LONP1: variants seen among roughly 807,000 people sequenced by gnomAD.
LONP1 encodes the protein lon peptidase 1, mitochondrial, also known as lon protease homolog, mitochondrial.
Under a neutral mutation model 98.5 loss-of-function variants are expected in LONP1, and 31 were observed. The observed-to-expected ratio is 0.31, with a 90% CI of 0.24 to 0.42. LONP1 has a LOEUF of 0.42. Among genes scored for constraint, LONP1 ranks in the 20% least tolerant of loss-of-function variants. The pLI, the probability that LONP1 is intolerant of heterozygous loss-of-function variation, is 1.00. For missense variants in LONP1, 1,336 were observed against 1,350.6 expected, an observed-to-expected ratio of 0.99 and a Z score of 0.17; for synonymous variants, 781 against 594.7, an observed-to-expected ratio of 1.31 and a Z score of -4.56.
In LONP1 at chr19:5,717,114, G is replaced by T. The variant is rs528080977; in HGVS notation, c.429+2590C>A. 1.4e-3 allele frequency among the ~76,000 whole-genome samples: 209 copies of T among 152,266 alleles called. 1 individual carries two copies. The highest frequency in any genetic ancestry group is 4.9e-3 in the African/African-American group (203 of 41,554). ...CAGCCCACGAAGTTAGTTTTTAAAA[G>T]AAACTAATACTTCTAACACTTATGA... is the stretch of plus-strand genomic sequence containing the variant. On this transcript the variant is annotated intron_variant, in intron 1 of 17. Coordinates refer to ENST00000360614, the MANE Select transcript of LONP1 (RefSeq NM_004793.4).
chr19:5,717,939 G>T (rs1384387841), intron 1 of LONP1, among the ~76,000 whole-genome samples: 1 of 148,880 alleles, frequency 6.7e-6, no homozygotes, highest in African/African-American at 2.5e-5. Context: ...GACCATACTG[G>T]TTTCAAATTA....
intron 1 of LONP1, among the ~76,000 whole-genome samples, chr19:5,716,287 T>C (rs1401922635): frequency 1.4e-4 from 16 of 116,808 alleles, no homozygotes; most frequent in Non-Finnish European, 2.9e-4. Context: ...TATATATATA[T>C]ATATATATAT....
intron 9 of LONP1, among the ~76,000 whole-genome samples, chr19:5,699,493 G>A (rs1053324855): frequency 3.3e-5 from 5 of 151,360 alleles, no homozygotes; most frequent in African/African-American, 7.3e-5. Context: ...CCTGAAGACC[G>A]CAAATGCTCC....
chr19:5,705,363 CAGG>C (rs1211158887), intron 8 of LONP1, among the ~76,000 whole-genome samples: 2 of 149,388 alleles, frequency 1.3e-5, no homozygotes, highest in Non-Finnish European at 2.9e-5. Context: ...GGGACTGAAG[CAGG>C]AGAATTGCTT....
chr19:5,708,679 G>A (rs1161113947), intron 4 of LONP1: 3 of 392,954 alleles, frequency 7.6e-6, no homozygotes, highest in African/African-American at 2.0e-5. Context: ...CTATCTCAGG[G>A]GAAAAAAAGA....
intron 17 of LONP1, 127 bp downstream of exon 17, chr19:5,693,171 G>C: frequency 8.4e-7 from 1 of 1,186,296 alleles, no homozygotes; most frequent in South Asian, 1.5e-5. Context: ...AGGCCAGAGA[G>C]ACCTGCTTCC....
At chr19:5,692,715 G>A (rs1213491670) in intron 17 of LONP1, among the ~76,000 whole-genome samples, 1 of 152,176 alleles carries the variant, frequency 6.6e-6, no homozygotes, top group Admixed American at 6.5e-5. Context: ...CATGGACAGT[G>A]AGCCTCCCAA....
chr19:5,711,646 G>C, intron 4 of LONP1, 125 bp downstream of exon 4: 1 of 748,480 alleles, frequency 1.3e-6, no homozygotes, highest in Non-Finnish European at 2.2e-6. Flanking sequence ...TTGAGTTCCA[G>C]ACAGGCCAGA....
chr19:5,699,310 G>A lies in LONP1; in HGVS notation c.1507-105C>T, dbSNP rs577212723. The stretch of plus-strand genomic sequence containing the variant: ...TGCCTTTCAGACGTCTGAGGGCTGC[G>A]AGAAGGGACCAGGATTGTCCGGGAG... On this transcript the variant is annotated intron_variant, in intron 9 of 17. Coordinates refer to ENST00000360614, the MANE Select transcript of LONP1 (RefSeq NM_004793.4). 186 of 917,274 alleles carry A rather than the reference G, an allele frequency of 2.0e-4. No homozygotes were observed. The Admixed American group carries it at 2.6e-3, about 13-fold the overall frequency. 56.8% of individuals were successfully genotyped at this position (917,274 alleles called of 1,614,324 possible). A position where few individuals can be genotyped will look rare whatever the true frequency, so the allele number is the denominator to read the frequency against.
intron 8 of LONP1, 41 bp from the exon 9 acceptor site, chr19:5,700,968 G>A (rs367843373): frequency 8.4e-5 from 135 of 1,611,704 alleles, no homozygotes; most frequent in East Asian, 2.9e-4. Flanking sequence ...TGGAGCTCAC[G>A]AGCTGCCTGT....
Position 5,696,951 on chromosome 19 carries a change from G to A in LONP1, c.1686-194C>T, listed in dbSNP as rs3892355. 0.22 allele frequency among the ~76,000 whole-genome samples: 34,005 copies of A among 152,148 alleles called. 4,804 individuals carry two copies. Among genetic ancestry groups the A allele is most frequent in the Non-Finnish European group, 0.32 (21,650 of 67,970 alleles). On this transcript the variant is annotated intron_variant, in intron 10 of 17. Transcript: ENST00000360614. Reference sequence around the variant, plus strand: ...GCACGCTGGTCACTTGCCCTGACTCGCCAGCTCAGATTCTGGGGTCACTGA... The same window carrying A: ...GCACGCTGGTCACTTGCCCTGACTCACCAGCTCAGATTCTGGGGTCACTGA...
chr19:5,696,698 G>T lies in LONP1; in HGVS notation c.1745C>A (p.Thr582Lys), dbSNP rs140317309. 3 of 1,613,528 alleles carry T rather than the reference G, an allele frequency of 1.9e-6. No homozygotes were observed. The highest frequency in any genetic ancestry group is 8.5e-7 in the Non-Finnish European group (1 of 1,179,952). ...GTCGATGAGGATCAGGGGGTTCTCC[G>T]TCTTGGTCTTCTTCAAACACTGGAT... ...KIIQCLKKTK[T>K]ENPLILIDEV... Residue 582 changes from threonine (T) to lysine (K), a missense_variant, in exon 11 of 18, where the codon ACG (threonine) becomes AAG (lysine). By Grantham distance (78) the Thr-to-Lys change is moderately conservative. Around this residue, in one of 5 missense-constraint regions of LONP1, gnomAD observed 555 missense variants for 542.6 expected, o/e 1.02. Coordinates refer to ENST00000360614, the MANE Select transcript of LONP1 (RefSeq NM_004793.4).
At position 5,707,835 on chromosome 19, in the gene LONP1, C is replaced by T. The variant is rs774462100; in HGVS notation, c.933-9G>A. On this transcript the variant is annotated splice_polypyrimidine_tract_variant and intron_variant, in intron 5 of 17. Transcript: ENST00000360614. ...TCTGCAGCACTGACTCCCTGGGGGA[C>T]AAAGGGAGCTGCCTCGGTGGCCAGG... is the stretch of plus-strand genomic sequence containing the variant. 2.5e-6 allele frequency: 4 copies of T among 1,612,436 alleles called. No individual in the cohort carries two copies. The highest frequency in any genetic ancestry group is 3.4e-6 in the Non-Finnish European group (4 of 1,179,622).
chr19:5,699,756 C>T (rs1568316588), intron 9 of LONP1, among the ~76,000 whole-genome samples: 1 of 151,580 alleles, frequency 6.6e-6, no homozygotes, highest in Non-Finnish European at 1.5e-5. Flanking sequence ...GGCGAGGTTT[C>T]ACCATGTTGG....
At chr19:5,702,138 G>C (rs1384207680) in intron 8 of LONP1, among the ~76,000 whole-genome samples, 1 of 142,964 alleles carries the variant, frequency 7.0e-6, no homozygotes, top group Non-Finnish European at 1.5e-5. Flanking sequence ...GCCTCTGCCC[G>C]GCCGCCCCTA....
rs2054999683 is a variant in LONP1 at position 5,699,324 on chromosome 19, A to G, written c.1507-119T>C. On this transcript the variant is annotated intron_variant, in intron 9 of 17. Transcript: ENST00000360614. ...CTGAGGGCTGCGAGAAGGGACCAGG[A>G]TTGTCCGGGAGGCTGAGCACATCAG... 3.8e-6 allele frequency: 3 copies of G among 782,170 alleles called. No individual in the cohort carries two copies. The South Asian group carries it at 8.2e-5, about 21-fold the overall frequency. The allele number at this position is 782,170 out of a possible 1,614,324, so 48.5% of individuals were successfully genotyped here. A position where few individuals can be genotyped will look rare whatever the true frequency, so the allele number is the denominator to read the frequency against.
chr19:5,696,570 C>A (rs1026674633), intron 11 of LONP1, 100 bp downstream of exon 11: 7 of 1,347,154 alleles, frequency 5.2e-6, no homozygotes, highest in African/African-American at 2.9e-5. Context: ...ACGGCGATGG[C>A]CCCTGAGTTG....
At chr19:5,694,931 G>A (rs1175562065) in intron 13 of LONP1, 30 bp from the exon 14 acceptor site, 2 of 1,580,802 alleles carry the variant, frequency 1.3e-6, no homozygotes, top group African/African-American at 2.7e-5. Context: ...GGTTGGGTCT[G>A]GAGGGACCTT....
chr19:5,707,636 G>A (rs1010795474), intron 6 of LONP1, 61 bp downstream of exon 6: 89 of 1,565,686 alleles, frequency 5.7e-5, no homozygotes, highest in Middle Eastern at 1.8e-4. Context: ...GGCGTGGGCG[G>A]AGCATAGTGG....
Sources: gnomAD v4.1 joint callset for allele counts (sites outside exome capture counted in the v4.1 genomes callset) on GRCh38, gnomAD v4.1.1 for gene constraint, gnomAD v4.1.1 regional missense constraint, MANE v1.5 for transcripts, NCBI Gene and HGNC (gene_info 2026-07-23, HGNC 2026-07-21) for gene names.